The following BTBD9 variants were observed in gnomAD, a reference collection of about 807,000 sequenced individuals.
BTBD9 encodes the protein BTB/POZ domain-containing protein 9.
In BTBD9, 49 loss-of-function variants were observed where a neutral mutation model predicts 64.3. The observed-to-expected ratio is 0.76, with a 90% confidence interval of 0.61 to 0.97. BTBD9 has a LOEUF of 0.97. Among genes scored for constraint, BTBD9 ranks in the 50% least tolerant of loss-of-function variants. The pLI is 0.00. For synonymous variants in BTBD9, 260 were observed against 274.7 expected (o/e 0.95, Z 0.53); for missense variants, 598 against 762.1 (o/e 0.78, Z 2.53).
At chr6:38,577,743 GA>G in intron 5 of BTBD9, 24 bp from the exon 6 acceptor site, 5 of 1,587,526 alleles carry the variant, frequency 3.1e-6, no homozygotes, top group Non-Finnish European at 3.4e-6. Context: ...GGAAAAAGCA[GA>G]AAAAAATTAC....
At chr6:38,533,363 A>G (rs1208098526) in intron 6 of BTBD9, among the ~76,000 whole-genome samples, 2 of 152,220 alleles carry the variant, frequency 1.3e-5, no homozygotes, top group African/African-American at 4.8e-5. Flanking sequence ...AGAGGGTATA[A>G]CAATTATAAA....
chr6:38,252,654 T>G (rs1350952955), intron 9 of BTBD9, among the ~76,000 whole-genome samples: 1 of 152,060 alleles, frequency 6.6e-6, no homozygotes, highest in Non-Finnish European at 1.5e-5. Flanking sequence ...GAAAAAAAAT[T>G]TAAAGAGAGA....
At chr6:38,417,801 A>AGAGAGAGAGAGAG (rs56268245) in intron 6 of BTBD9, among the ~76,000 whole-genome samples, 2,858 of 136,948 alleles carry the variant, frequency 0.021, 93 homozygotes, top group African/African-American at 0.069. Flanking sequence ...AGAGAGAGAG[A>AGAGAGAGAGAGAG]AAAAAAATAT....
At chr6:38,395,764 CA>C (rs1207488618) in intron 6 of BTBD9, among the ~76,000 whole-genome samples, 1 of 151,222 alleles carries the variant, frequency 6.6e-6, no homozygotes, top group Non-Finnish European at 1.5e-5. Context: ...GGCTGGAGTG[CA>C]GCGGTGTGAT....
intron 9 of BTBD9, among the ~76,000 whole-genome samples, chr6:38,234,051 T>C (rs976754070): frequency 2.0e-5 from 3 of 152,246 alleles, no homozygotes; most frequent in Non-Finnish European, 4.4e-5. Flanking sequence ...TGGATGTTAA[T>C]ATTTCATTAG....
Position 38,256,573 on chromosome 6 carries a change from A to G in BTBD9, c.1455-57T>C, listed in dbSNP as rs1338408720. 34 of 1,313,452 alleles carry G rather than the reference A, an allele frequency of 2.6e-5. No homozygotes were observed. The East Asian group carries it at 4.2e-4, about 16-fold the overall frequency. The allele number at this position is 1,313,452 out of a possible 1,614,324, so 81.4% of individuals were successfully genotyped here. A position where few individuals can be genotyped will look rare whatever the true frequency, so the allele number is the denominator to read the frequency against. On this transcript the variant is annotated intron_variant, in intron 8 of 10. Coordinates refer to ENST00000481247, the MANE Select transcript of BTBD9 (RefSeq NM_001099272.2). ...AAATGTTTTAACTGGTTGTTTCTTTAGGTTGTGGGCATATCCCTCCCACCC... is the reference window on the plus strand; with the variant it reads ...AAATGTTTTAACTGGTTGTTTCTTTGGGTTGTGGGCATATCCCTCCCACCC...
rs1408234412 is a variant in BTBD9 at position 38,171,182 on chromosome 6, TTTG to T, written c.*3800_*3802del. 1.3e-5 allele frequency: 2 copies of T among 152,222 alleles called. No homozygotes were observed. Among genetic ancestry groups the T allele is most frequent in the Non-Finnish European group, 2.9e-5 (2 of 68,036 alleles). 9.4% of individuals were successfully genotyped at this position (152,222 alleles called of 1,614,324 possible). ...TCTGGAAAGGATAAGTGATTACAAT[TTTG>T]TTATCTTCTAAATTAAAAAGAAGGT... On this transcript the variant is annotated 3_prime_UTR_variant, in exon 11 of 11. Coordinates refer to ENST00000481247, the MANE Select transcript of BTBD9 (RefSeq NM_001099272.2).
chr6:38,398,545 G>A (rs967483553), intron 6 of BTBD9, among the ~76,000 whole-genome samples: 2 of 152,180 alleles, frequency 1.3e-5, no homozygotes, highest in East Asian at 3.8e-4. Flanking sequence ...TGATTATTCT[G>A]CAGTGGCCTC....
At chr6:38,365,044 T>C (rs1481335326) in intron 6 of BTBD9, among the ~76,000 whole-genome samples, 2 of 152,238 alleles carry the variant, frequency 1.3e-5, no homozygotes, top group Middle Eastern at 3.4e-3. Flanking sequence ...CTAGGCTAAA[T>C]AGTAACACTT....
intron 4 of BTBD9, among the ~76,000 whole-genome samples, chr6:38,584,733 G>C (rs1385896539): frequency 6.6e-6 from 1 of 152,014 alleles, no homozygotes; most frequent in East Asian, 1.9e-4. Context: ...AAAATGTATG[G>C]ATGCTCCCTT....
chr6:38,557,532 T>C (rs1409073688), intron 6 of BTBD9, among the ~76,000 whole-genome samples: 1 of 152,212 alleles, frequency 6.6e-6, no homozygotes, highest in Non-Finnish European at 1.5e-5. Context: ...CCAAATGAAA[T>C]ACTCAGTGTC....
At chr6:38,480,515 A>C (rs548433304) in intron 6 of BTBD9, among the ~76,000 whole-genome samples, 1 of 152,206 alleles carries the variant, frequency 6.6e-6, no homozygotes, top group African/African-American at 2.4e-5. Flanking sequence ...CATTTAAATT[A>C]AGCATGGGCC....
intron 6 of BTBD9, among the ~76,000 whole-genome samples, chr6:38,419,196 A>G (rs16890698): frequency 0.013 from 2,045 of 152,340 alleles, 49 homozygotes; most frequent in African/African-American, 0.047. Context: ...TGTATTTTGT[A>G]ACTTTTCTAG....
At position 38,588,024 on chromosome 6, in the gene BTBD9, C is replaced by T. The variant is rs539391649; in HGVS notation, c.814+4552G>A. The T allele has an allele frequency of 1.8e-5, 13 of 737,750 alleles. No individual in the cohort carries two copies. The African/African-American group carries it at 2.1e-4, about 12-fold the overall frequency. The allele number at this position is 737,750 out of a possible 1,614,324, so 45.7% of individuals were successfully genotyped here. Reference sequence around the variant, plus strand: ...GTTCAGCCACAGCAACCACCATATACAGAAGCTAAGATACAAGCAGGTCAG... The same window carrying T: ...GTTCAGCCACAGCAACCACCATATATAGAAGCTAAGATACAAGCAGGTCAG... On this transcript the variant is annotated intron_variant, in intron 4 of 10. Coordinates refer to ENST00000481247, the MANE Select transcript of BTBD9 (RefSeq NM_001099272.2).
intron 8 of BTBD9, among the ~76,000 whole-genome samples, chr6:38,283,395 C>T (rs1362877002): frequency 6.6e-6 from 1 of 152,174 alleles, no homozygotes; most frequent in Non-Finnish European, 1.5e-5. Flanking sequence ...CACCTGTAAT[C>T]CCAGCACTTT....
intron 6 of BTBD9, among the ~76,000 whole-genome samples, chr6:38,553,917 T>G (rs935870164): frequency 6.6e-6 from 1 of 151,962 alleles, no homozygotes; most frequent in Non-Finnish European, 1.5e-5. Context: ...CTGGGTTCAA[T>G]GAATTTCTAT....
chr6:38,342,992 G>A (rs1283859318), intron 7 of BTBD9, among the ~76,000 whole-genome samples: 1 of 152,194 alleles, frequency 6.6e-6, no homozygotes, highest in Non-Finnish European at 1.5e-5. Flanking sequence ...GTCAGAGGGG[G>A]TTCCACTGCA....
At chr6:38,558,255 C>CT (rs1323466038) in intron 6 of BTBD9, among the ~76,000 whole-genome samples, 1 of 129,530 alleles carries the variant, frequency 7.7e-6, no homozygotes, top group African/African-American at 3.3e-5. Context: ...GAGACCCTTT[C>CT]TTAAAAAAAA....
intron 9 of BTBD9, among the ~76,000 whole-genome samples, chr6:38,213,508 G>A (rs774062127): frequency 4.6e-5 from 7 of 152,154 alleles, no homozygotes; most frequent in Non-Finnish European, 8.8e-5. Flanking sequence ...AAGGTGACAA[G>A]TCTTTGAGGC....
Sources: allele counts gnomAD v4.1 joint callset (sites outside exome capture counted in the v4.1 genomes callset), GRCh38; gene constraint gnomAD v4.1.1; transcripts MANE v1.5; gene names NCBI Gene and HGNC (gene_info 2026-07-23, HGNC 2026-07-21).